SORCS1: variants seen among roughly 807,000 people sequenced by gnomAD.
SORCS1 encodes the protein sortilin related VPS10 domain containing receptor 1.
In SORCS1, 60 loss-of-function variants were observed where a neutral mutation model predicts 146.1. The ratio of observed to expected loss-of-function variants is 0.41; its 90% CI spans 0.33 to 0.51. The LOEUF is 0.51. Among genes scored for constraint, SORCS1 ranks in the 20% least tolerant of loss-of-function variants. The pLI is 0.21. For synonymous variants in SORCS1, 637 were observed against 584.0 expected (o/e 1.09, Z -1.31); for missense variants, 1,352 against 1,487.6 (o/e 0.91, Z 1.50).
chr10:107,062,385 A>C (rs1297787473), intron 1 of SORCS1, among the ~76,000 whole-genome samples: 1 of 152,046 alleles, frequency 6.6e-6, no homozygotes, highest in Non-Finnish European at 1.5e-5. Context: ...GGATGAAATT[A>C]GTTTGGGTGG....
intron 1 of SORCS1, among the ~76,000 whole-genome samples, chr10:106,977,684 G>T (rs1956088363): frequency 6.7e-6 from 1 of 150,300 alleles, no homozygotes; most frequent in African/African-American, 2.5e-5. Context: ...GAAAGCACCA[G>T]TATATTTTCA....
At chr10:106,609,360 C>T (rs1564772425) in intron 22 of SORCS1, among the ~76,000 whole-genome samples, 1 of 152,178 alleles carries the variant, frequency 6.6e-6, no homozygotes, top group Non-Finnish European at 1.5e-5. Flanking sequence ...ATGTCAATAG[C>T]AAAAGCCATT....
At chr10:107,039,300 C>T (rs1959058927) in intron 1 of SORCS1, among the ~76,000 whole-genome samples, 1 of 147,890 alleles carries the variant, frequency 6.8e-6, no homozygotes, top group Non-Finnish European at 1.5e-5. Context: ...TGCACTCCAG[C>T]CTGGCGACAG....
intron 1 of SORCS1, among the ~76,000 whole-genome samples, chr10:107,156,170 T>C (rs1314448751): frequency 1.3e-5 from 2 of 152,172 alleles, no homozygotes; most frequent in African/African-American, 4.8e-5. Context: ...TGCACTGAAT[T>C]GTGGAGTTCT....
At chr10:106,775,993 G>A (rs1370313750) in intron 4 of SORCS1, among the ~76,000 whole-genome samples, 3 of 152,076 alleles carry the variant, frequency 2.0e-5, no homozygotes, top group Non-Finnish European at 2.9e-5. Context: ...CCTTTCTTAC[G>A]AAGTGGACTT....
chr10:106,679,212 A>G (rs1852254848), intron 12 of SORCS1, 44 bp downstream of exon 12: 5 of 1,517,900 alleles, frequency 3.3e-6, no homozygotes, highest in Non-Finnish European at 4.5e-6. Flanking sequence ...GGCAATTTTT[A>G]TGTTACTTAA....
chr10:107,022,207 TCTC>T (rs1313669627), intron 1 of SORCS1, among the ~76,000 whole-genome samples: 5 of 152,120 alleles, frequency 3.3e-5, no homozygotes, highest in African/African-American at 1.2e-4. Flanking sequence ...GCATCTCTTC[TCTC>T]TTCTATTTAG....
chr10:106,737,171 T>C (rs1857012064), intron 5 of SORCS1, among the ~76,000 whole-genome samples: 1 of 152,106 alleles, frequency 6.6e-6, no homozygotes, highest in African/African-American at 2.4e-5. Flanking sequence ...AGATGTTTAT[T>C]GAGCAAAGGG....
chr10:106,997,084 G>A (rs772712151), intron 1 of SORCS1, among the ~76,000 whole-genome samples: 4 of 150,912 alleles, frequency 2.7e-5, no homozygotes, highest in Non-Finnish European at 3.0e-5. Flanking sequence ...GGTCCTTTAA[G>A]CCCTTACATA....
At chr10:106,812,043 C>T (rs1947486140) in intron 3 of SORCS1, among the ~76,000 whole-genome samples, 2 of 152,118 alleles carry the variant, frequency 1.3e-5, no homozygotes, top group Admixed American at 6.6e-5. Flanking sequence ...CTCTGTCGCC[C>T]AGGCTGGAGT....
At chr10:106,705,783 G>A (rs1036879031) in intron 8 of SORCS1, among the ~76,000 whole-genome samples, 10 of 152,142 alleles carry the variant, frequency 6.6e-5, no homozygotes, top group African/African-American at 2.4e-4. Context: ...CCATATTAAC[G>A]CAGTTCTTCA....
chr10:106,999,391 T>C (rs73371921), intron 1 of SORCS1, among the ~76,000 whole-genome samples: 9,525 of 152,288 alleles, frequency 0.063, 999 homozygotes, highest in African/African-American at 0.21. Context: ...GTTTTGCATC[T>C]GCTGTGTCCT....
intron 1 of SORCS1, among the ~76,000 whole-genome samples, chr10:107,075,454 A>C (rs1962793832): frequency 6.6e-6 from 1 of 152,134 alleles, no homozygotes; most frequent in African/African-American, 2.4e-5. Context: ...TCATTGGAAT[A>C]AATGTTCTAG....
At chr10:106,790,832 A>G (rs924292877) in intron 3 of SORCS1, among the ~76,000 whole-genome samples, 1 of 152,198 alleles carries the variant, frequency 6.6e-6, no homozygotes, top group Non-Finnish European at 1.5e-5. Context: ...AGATACAATA[A>G]TTTTGTTTCT....
At chr10:107,061,595 T>C (rs2134118112) in intron 1 of SORCS1, among the ~76,000 whole-genome samples, 1 of 152,308 alleles carries the variant, frequency 6.6e-6, no homozygotes, top group South Asian at 2.1e-4. Flanking sequence ...CCATAACTCG[T>C]TATGTTTTCC....
At chr10:106,858,591 G>C (rs554271014) in intron 2 of SORCS1, among the ~76,000 whole-genome samples, 2 of 124,126 alleles carry the variant, frequency 1.6e-5, no homozygotes, top group Admixed American at 9.8e-5. Flanking sequence ...CTGGGAGACA[G>C]AGCAAGCCTC....
chr10:106,776,764 A>G (rs1396992018), intron 3 of SORCS1, 72 bp from the exon 4 acceptor site: 27 of 1,548,746 alleles, frequency 1.7e-5, no homozygotes, highest in Non-Finnish European at 2.3e-5. Context: ...CTTGAAAATT[A>G]GCTAATTTTT....
At chr10:106,754,340 A>T (rs1314924510) in intron 5 of SORCS1, among the ~76,000 whole-genome samples, 2 of 152,222 alleles carry the variant, frequency 1.3e-5, no homozygotes, top group African/African-American at 4.8e-5. Context: ...GAGTGGAATG[A>T]TGGGGAGAGA....
chr10:106,966,134 A>G (rs1017585885), intron 1 of SORCS1, among the ~76,000 whole-genome samples: 4 of 152,232 alleles, frequency 2.6e-5, no homozygotes, highest in African/African-American at 9.6e-5. Context: ...GTTTTACAGT[A>G]TCATCATTTA....
Sources: allele counts gnomAD v4.1 joint callset (sites outside exome capture counted in the v4.1 genomes callset), GRCh38; gene constraint gnomAD v4.1.1; transcripts MANE v1.5; gene names NCBI Gene and HGNC (gene_info 2026-07-23, HGNC 2026-07-21).